SLCO3A1: variants seen among roughly 807,000 people sequenced by gnomAD.
SLCO3A1 encodes solute carrier organic anion transporter family member 3A1.
A neutral mutation model predicts 63.1 loss-of-function variants in SLCO3A1; 27 were observed. That is an observed-to-expected ratio of 0.43 (90% CI 0.32 to 0.59). The LOEUF is 0.59. Ranked by LOEUF, SLCO3A1 falls within the 20% of genes least tolerant of loss-of-function variation. The probability of loss-of-function intolerance (pLI) is 0.09; values close to 1 mark genes in which losing one functional copy is unlikely to be tolerated. For missense variants in SLCO3A1, 773 were observed against 945.8 expected, an observed-to-expected ratio of 0.82 and a Z score of 2.40; for synonymous variants, 473 against 409.9, an observed-to-expected ratio of 1.15 and a Z score of -1.86.
At chr15:92,139,112 T>G (rs187155213) in intron 7 of SLCO3A1, among the ~76,000 whole-genome samples, 22,492 of 147,292 alleles carry the variant, frequency 0.15, 2,381 homozygotes, top group African/African-American at 0.3. Flanking sequence ...GGCTGTGGGT[T>G]TGTCATAGAT....
chr15:92,160,706 C>T (rs1429264615), intron 9 of SLCO3A1, among the ~76,000 whole-genome samples: 1 of 150,722 alleles, frequency 6.6e-6, no homozygotes, highest in East Asian at 2.2e-4. Context: ...GGCACCTGGG[C>T]CGAGAGCCTG....
At chr15:91,871,765 G>GTTTTTTTTTTTTTTTTTTTTTTTGTTT (rs33938693) in intron 1 of SLCO3A1, among the ~76,000 whole-genome samples, 1 of 45,702 alleles carries the variant, frequency 2.2e-5, no homozygotes, top group Admixed American at 3.2e-4. Context: ...TTTTTTTTTG[G>GTTTTTTTTTTTTTTTTTTTTTTTGTTT]TTTTTTTTTT....
At chr15:92,158,270 C>T (rs139385384) in intron 9 of SLCO3A1, among the ~76,000 whole-genome samples, 4 of 152,286 alleles carry the variant, frequency 2.6e-5, no homozygotes, top group African/African-American at 7.2e-5. Context: ...AAGCCAGTTA[C>T]GCCAGGAGCT....
intron 7 of SLCO3A1, among the ~76,000 whole-genome samples, chr15:92,143,058 G>A (rs1430389520): frequency 6.6e-6 from 1 of 151,630 alleles, no homozygotes; most frequent in Non-Finnish European, 1.5e-5. Flanking sequence ...CGTGCTACAA[G>A]TATGTAGCCT....
chr15:91,969,606 C>T (rs1484195860), intron 2 of SLCO3A1, among the ~76,000 whole-genome samples: 1 of 152,222 alleles, frequency 6.6e-6, no homozygotes, highest in Non-Finnish European at 1.5e-5. Flanking sequence ...AGTGCCTGGC[C>T]TCTTGTTACA....
At chr15:92,072,203 T>G (rs548460495) in intron 2 of SLCO3A1, among the ~76,000 whole-genome samples, 4 of 145,108 alleles carry the variant, frequency 2.8e-5, no homozygotes, top group African/African-American at 1.1e-4. Context: ...TTTTTTTTGG[T>G]TTTTTTTTTT....
At chr15:91,986,480 A>T (rs554604327) in intron 2 of SLCO3A1, among the ~76,000 whole-genome samples, 94 of 151,998 alleles carry the variant, frequency 6.2e-4, no homozygotes, top group Non-Finnish European at 1.3e-3. Context: ...ATTTTTTTTT[A>T]AAGTATGCAG....
intron 1 of SLCO3A1, among the ~76,000 whole-genome samples, chr15:91,879,507 C>T (rs1897497235): frequency 7.1e-6 from 1 of 141,674 alleles, no homozygotes; most frequent in South Asian, 2.9e-4. Flanking sequence ...GGTATACAAC[C>T]GTAGCTACTA....
At chr15:91,952,440 C>G (rs936389938) in intron 2 of SLCO3A1, among the ~76,000 whole-genome samples, 2 of 152,170 alleles carry the variant, frequency 1.3e-5, no homozygotes, top group Admixed American at 1.3e-4. Context: ...TGGGTGAGCA[C>G]CTGGCATAAA....
chr15:92,156,699 TC>T (rs370582487), intron 9 of SLCO3A1, among the ~76,000 whole-genome samples: 3 of 152,240 alleles, frequency 2.0e-5, no homozygotes, highest in African/African-American at 7.2e-5. Context: ...TTTCAGCATC[TC>T]CCTTTCTAGC....
At chr15:92,157,744 C>T (rs902712359) in intron 9 of SLCO3A1, among the ~76,000 whole-genome samples, 2 of 152,162 alleles carry the variant, frequency 1.3e-5, no homozygotes, top group Admixed American at 1.3e-4. Flanking sequence ...AAAAGAGTTC[C>T]TGAACACGGA....
intron 1 of SLCO3A1, among the ~76,000 whole-genome samples, chr15:91,899,273 G>A (rs1186312884): frequency 6.6e-6 from 1 of 152,156 alleles, no homozygotes; most frequent in African/African-American, 2.4e-5. Context: ...TCAGTGTGGG[G>A]GGGATGGGGC....
intron 2 of SLCO3A1, among the ~76,000 whole-genome samples, chr15:92,026,233 C>A (rs975088481): frequency 6.6e-6 from 1 of 152,122 alleles, no homozygotes; most frequent in African/African-American, 2.4e-5. Flanking sequence ...TGTGACCTCC[C>A]AATTTGACTA....
rs796816242 is a variant in SLCO3A1, at chr15:92,165,575, GAA to G, written c.*2444_*2445del. 2.5e-5 allele frequency: 25 copies of G among 984,796 alleles called. No homozygotes were observed. In the African/African-American group the frequency reaches 4.0e-4, roughly 16 times the overall value. 61.0% of individuals were successfully genotyped at this position (984,796 alleles called of 1,614,324 possible). A position where few individuals can be genotyped will look rare whatever the true frequency, so the allele number is the denominator to read the frequency against. ...TTTCCTAAGATTTTAGGATGAATGT[GAA>G]AAAGATGTTAGAATAACAGGAAGAC... is the stretch of plus-strand genomic sequence containing the variant. On this transcript the variant is annotated 3_prime_UTR_variant, in exon 10 of 10. Coordinates refer to ENST00000318445, the MANE Select transcript of SLCO3A1 (RefSeq NM_013272.4).
chr15:91,910,974 T>G (rs546533605), intron 1 of SLCO3A1, among the ~76,000 whole-genome samples: 1 of 152,300 alleles, frequency 6.6e-6, no homozygotes, highest in Non-Finnish European at 1.5e-5. Context: ...GAATAAGTGT[T>G]TTTTTGTTAA....
intron 2 of SLCO3A1, among the ~76,000 whole-genome samples, chr15:91,980,629 C>G (rs2045973600): frequency 6.6e-6 from 1 of 152,066 alleles, no homozygotes; most frequent in South Asian, 2.1e-4. Context: ...AAGCGTAGCC[C>G]TGGCTGGCTT....
chr15:92,135,270 A>G (rs1306883022), intron 7 of SLCO3A1, among the ~76,000 whole-genome samples: 1 of 152,224 alleles, frequency 6.6e-6, no homozygotes, highest in Non-Finnish European at 1.5e-5. Context: ...TAGCTGGAGC[A>G]GAGTGAGCCT....
intron 1 of SLCO3A1, among the ~76,000 whole-genome samples, chr15:91,895,456 C>T (rs1367748974): frequency 6.6e-6 from 1 of 152,156 alleles, no homozygotes; most frequent in Non-Finnish European, 1.5e-5. Context: ...GAGTGTATTT[C>T]TTGTATACAA....
rs540493590 is a variant in SLCO3A1, at chr15:92,060,275, G to A, written c.647-34606G>A. ...TTTCTTCACAAATAAATTAACCTTA[G>A]CCAGCTGGGCTCGGTGGTTCATGCC... On this transcript the variant is annotated intron_variant, in intron 2 of 9. Coordinates refer to ENST00000318445, the MANE Select transcript of SLCO3A1 (RefSeq NM_013272.4). Among the ~76,000 whole-genome samples, 25 of 152,050 alleles carry A rather than the reference G, an allele frequency of 1.6e-4. 3 individuals are homozygous for A. The South Asian group carries it at 4.2e-3, about 25-fold the overall frequency.
Sources: gnomAD v4.1 joint callset for allele counts (sites outside exome capture counted in the v4.1 genomes callset) on GRCh38, gnomAD v4.1.1 for gene constraint, MANE v1.5 for transcripts, NCBI Gene and HGNC (gene_info 2026-07-23, HGNC 2026-07-21) for gene names.